Variants in ZBTB43 observed in about 807,000 individuals in gnomAD.
ZBTB43 encodes the protein zinc finger and BTB domain containing 43.
ZBTB43 carries 6 observed loss-of-function variants against 31.1 expected under a neutral mutation model. That is an observed-to-expected ratio of 0.19 (90% CI 0.11 to 0.38). ZBTB43 has a LOEUF of 0.38. ZBTB43 is among the 10% of genes least tolerant of loss of function. The pLI is 1.00. For synonymous variants in ZBTB43, 212 were observed against 221.7 expected (o/e 0.96, Z 0.39); for missense variants, 379 against 602.1 (o/e 0.63, Z 3.88).
chr9:126,816,140 T>C (rs2032380039), intron 2 of ZBTB43, among the ~76,000 whole-genome samples: 1 of 152,216 alleles, frequency 6.6e-6, no homozygotes, highest in African/African-American at 2.4e-5. Context: ...TCACGTTCTC[T>C]GGTTCTTTCT....
chr9:126,811,357 T>C (rs898749913), intron 2 of ZBTB43, among the ~76,000 whole-genome samples: 4 of 152,222 alleles, frequency 2.6e-5, no homozygotes, highest in African/African-American at 9.6e-5. Context: ...GTTGCTTAGC[T>C]TTTTTGTCTA....
At position 126,835,409 on chromosome 9, in the gene ZBTB43, G is replaced by C. The variant is rs890498150; in HGVS notation, c.*1496G>C. 2 of 166,832 alleles carry C rather than the reference G, an allele frequency of 1.2e-5. No individual in the cohort carries two copies. Among genetic ancestry groups the C allele is most frequent in the Admixed American group, 1.3e-4 (2 of 15,248 alleles). The allele number at this position is 166,832 out of a possible 1,614,324, so 10.3% of individuals were successfully genotyped here. A position where few individuals can be genotyped will look rare whatever the true frequency, so the allele number is the denominator to read the frequency against. ...TGTCATCTTTTCCACAATCGTACTG[G>C]GTTATTTACTTCTAAATAGAAACTT... On this transcript the variant is annotated 3_prime_UTR_variant, in exon 3 of 3. Transcript: ENST00000373464.
chr9:126,816,971 C>G (rs537188663), intron 2 of ZBTB43, among the ~76,000 whole-genome samples: 1 of 152,162 alleles, frequency 6.6e-6, no homozygotes, highest in Non-Finnish European at 1.5e-5. Context: ...CAGGACCTGT[C>G]TGTCCTTGGC....
At chr9:126,815,599 C>A (rs1404730337) in intron 2 of ZBTB43, among the ~76,000 whole-genome samples, 2 of 149,984 alleles carry the variant, frequency 1.3e-5, no homozygotes, top group Non-Finnish European at 3.0e-5. Context: ...TATTCTCATC[C>A]CAATGTATGT....
chr9:126,816,567 T>A (rs2032390582), intron 2 of ZBTB43, among the ~76,000 whole-genome samples: 1 of 152,238 alleles, frequency 6.6e-6, no homozygotes, highest in South Asian at 2.1e-4. Flanking sequence ...TTTTGTTTAA[T>A]TCTTGAGAGG....
chr9:126,820,412 C>T (rs1436605569), intron 2 of ZBTB43, among the ~76,000 whole-genome samples: 1 of 152,130 alleles, frequency 6.6e-6, no homozygotes, highest in Non-Finnish European at 1.5e-5. Context: ...TGCCTGTGCT[C>T]CATAGATGGC....
chr9:126,804,657 GTA>G (rs2032081469), upstream of ZBTB43, among the ~76,000 whole-genome samples: 1 of 152,142 alleles, frequency 6.6e-6, no homozygotes, highest in African/African-American at 2.4e-5. Flanking sequence ...GCTAATTTTT[GTA>G]TGTTTTGTAG....
Position 126,833,492 on chromosome 9 carries a change from A to G in ZBTB43, c.983A>G (p.Glu328Gly). The G allele has an allele frequency of 1.2e-6, 2 of 1,614,134 alleles. No individual in the cohort carries two copies. The highest frequency in any genetic ancestry group is 1.7e-6 in the Non-Finnish European group (2 of 1,180,020). Residue 328 changes from glutamate to glycine, a missense_variant, in exon 3 of 3, where the codon GAG becomes GGG. Physicochemically the swap from Glu to Gly is moderately conservative, Grantham distance 98. Transcript: ENST00000373464. This position sits in a 1 kb window ranked among gnomAD's most constrained non-coding sequence, Gnocchi z 7.9. Reference protein sequence around the residue: ...YGSSMEEFSGERSDGNLIGHR... With the variant: ...YGSSMEEFSGGRSDGNLIGHR... ...TCTTCCATGGAAGAGTTTTCCGGAGAGAGGTCAGATGGGAATCTAATTGGG... is the reference window on the plus strand; with the variant it reads ...TCTTCCATGGAAGAGTTTTCCGGAGGGAGGTCAGATGGGAATCTAATTGGG...
chr9:126,826,987 G>T (rs1173831102), intron 2 of ZBTB43, among the ~76,000 whole-genome samples: 3 of 152,084 alleles, frequency 2.0e-5, no homozygotes, highest in Non-Finnish European at 4.4e-5. Context: ...TTACTTTCTT[G>T]TTGAGAACTG....
chr9:126,815,986 T>C (rs2032376952), intron 2 of ZBTB43, among the ~76,000 whole-genome samples: 1 of 152,228 alleles, frequency 6.6e-6, no homozygotes, highest in African/African-American at 2.4e-5. Context: ...CTTCTGAGGC[T>C]TGTTTTTAAG....
chr9:126,824,690 C>G (rs1340745341), intron 2 of ZBTB43, among the ~76,000 whole-genome samples: 1 of 152,200 alleles, frequency 6.6e-6, no homozygotes, highest in Non-Finnish European at 1.5e-5. Context: ...GAGCTTCTCT[C>G]TTGCAGCTTT....
intron 1 of ZBTB43, 31 bp from the exon 2 acceptor site, chr9:126,808,760 CTT>C (rs1218709004): frequency 6.6e-6 from 1 of 152,170 alleles, no homozygotes; most frequent in Admixed American, 6.5e-5. Context: ...CATAGCATCT[CTT>C]TTACATTTTC....
chr9:126,826,700 G>A (rs1299826679), intron 2 of ZBTB43, among the ~76,000 whole-genome samples: 2 of 151,756 alleles, frequency 1.3e-5, no homozygotes, highest in African/African-American at 4.8e-5. Context: ...TCCTGACCTC[G>A]TGATCCTCAC....
intron 2 of ZBTB43, among the ~76,000 whole-genome samples, chr9:126,828,260 T>G (rs550073943): frequency 1.3e-5 from 2 of 151,802 alleles, no homozygotes; most frequent in South Asian, 4.2e-4. Flanking sequence ...CTCGGCTCAC[T>G]GCAAGCTCCA....
chr9:126,812,099 C>T (rs774155408), intron 2 of ZBTB43, among the ~76,000 whole-genome samples: 13 of 152,090 alleles, frequency 8.5e-5, no homozygotes, highest in Non-Finnish European at 1.8e-4. Context: ...TACCTGTAGC[C>T]ACGAATCTAC....
intron 1 of ZBTB43, among the ~76,000 whole-genome samples, chr9:126,805,917 G>A (rs1295674587): frequency 2.0e-5 from 3 of 152,292 alleles, no homozygotes; most frequent in East Asian, 1.9e-4. Flanking sequence ...TCATGACCCC[G>A]TGAAGTTCCC....
At chr9:126,807,928 C>T (rs1412671075) in intron 1 of ZBTB43, among the ~76,000 whole-genome samples, 2 of 152,070 alleles carry the variant, frequency 1.3e-5, no homozygotes, top group African/African-American at 2.4e-5. Flanking sequence ...TGAGCCACTG[C>T]GCTGGGCCTG....
chr9:126,815,814 C>T (rs1483931195), intron 2 of ZBTB43, among the ~76,000 whole-genome samples: 1 of 151,880 alleles, frequency 6.6e-6, no homozygotes, highest in African/African-American at 2.4e-5. Context: ...ACCCCCACCT[C>T]AGTATCCTGG....
At position 126,821,556 on chromosome 9, in the gene ZBTB43, G is replaced by A. The variant is rs79426574; in HGVS notation, c.-23-10931G>A. Among the ~76,000 whole-genome samples the A allele has an allele frequency of 0.022, 3,326 of 152,266 alleles. 428 individuals are homozygous for A. The East Asian group carries it at 0.38, about 17-fold the overall frequency. ...CAAGACTTAAGTGGAGGAATTAATTGGAGATGTAGTGGAAATAAATAGCAA... is the reference window on the plus strand; with the variant it reads ...CAAGACTTAAGTGGAGGAATTAATTAGAGATGTAGTGGAAATAAATAGCAA... On this transcript the variant is annotated intron_variant, in intron 2 of 2. Coordinates refer to ENST00000373464, the MANE Select transcript of ZBTB43 (RefSeq NM_014007.4).
Sources: gnomAD v4.1 joint callset for allele counts (sites outside exome capture counted in the v4.1 genomes callset) on GRCh38, gnomAD v4.1.1 for gene constraint, Gnocchi (gnomAD v3.1) non-coding constraint, MANE v1.5 for transcripts, NCBI Gene and HGNC (gene_info 2026-07-23, HGNC 2026-07-21) for gene names.